The following CSE1L variants were observed in gnomAD, a reference collection of about 807,000 sequenced individuals.
The protein encoded by CSE1L is exportin-2.
CSE1L carries 24 observed loss-of-function variants against 120.4 expected under a neutral mutation model. The observed-to-expected ratio is 0.20, with a 90% CI of 0.14 to 0.28. The LOEUF (loss-of-function observed/expected upper bound fraction) is 0.28, where lower values mean the gene tolerates loss of function less well. Ranked by LOEUF, CSE1L falls within the 10% of genes least tolerant of loss-of-function variation. The probability of loss-of-function intolerance (pLI) is 1.00; values close to 1 mark genes in which losing one functional copy is unlikely to be tolerated. For synonymous variants in CSE1L, 402 were observed against 398.3 expected, an observed-to-expected ratio of 1.01 and a Z score of -0.11; for missense variants, 830 against 1,145.2, an observed-to-expected ratio of 0.72 and a Z score of 3.97.
chr20:49,048,488 G>A (rs1277009858), intron 1 of CSE1L, among the ~76,000 whole-genome samples: 1 of 152,116 alleles, frequency 6.6e-6, no homozygotes, highest in East Asian at 1.9e-4. Context: ...ATTTCAGATA[G>A]TGACAGAATT....
chr20:49,088,539 A>G (rs2092077413), intron 17 of CSE1L, among the ~76,000 whole-genome samples: 1 of 152,216 alleles, frequency 6.6e-6, no homozygotes, highest in African/African-American at 2.4e-5. Context: ...AATTTTACAG[A>G]TACTTAGATT....
intron 14 of CSE1L, among the ~76,000 whole-genome samples, chr20:49,083,479 G>A (rs911936081): frequency 6.6e-6 from 1 of 152,144 alleles, no homozygotes; most frequent in African/African-American, 2.4e-5. Flanking sequence ...TGCCCAGGCT[G>A]GTCTTGAGCT....
intron 16 of CSE1L, among the ~76,000 whole-genome samples, chr20:49,086,359 CT>C (rs10648977): frequency 0.018 from 1,428 of 77,570 alleles, 14 homozygotes; most frequent in South Asian, 0.049. Flanking sequence ...GTTTAATGTC[CT>C]TTTTTTTTTT....
In CSE1L at chr20:49,066,368, A is replaced by T. The variant is rs770826162; in HGVS notation, c.334A>T (p.Ser112Cys). 4 of 1,614,170 alleles carry T rather than the reference A, an allele frequency of 2.5e-6. No individual in the cohort carries two copies. In the South Asian group the frequency reaches 4.4e-5, roughly 18 times the overall value. ...AATTAATCTTTTCCTCTCCTAGTTA[A>T]GTGATGCAATTAGCATTATTGGCAG... ...SSPEQIQKQLSDAISIIGRED... is the reference protein window; with the variant it reads ...SSPEQIQKQLCDAISIIGRED... The change falls in exon 5 of 25, where the codon AGT (serine) becomes TGT (cysteine). Residue 112 changes from serine (S) to cysteine (C), a missense_variant. Physicochemically the swap from Ser to Cys is moderately radical, Grantham distance 112 (BLOSUM62 -1). Around this residue, in one of 4 missense-constraint regions of CSE1L, gnomAD observed 543 missense variants for 640.2 expected, o/e 0.85. Transcript: ENST00000262982.
At position 49,084,127 on chromosome 20, in the gene CSE1L, G is replaced by A; in HGVS notation, c.1584G>A (p.Arg528=). Reference sequence around the variant, plus strand: ...CTTACGCAGCTCATGCTCTTGAACGGCTCTTTACTATGCGAGGGCCTAACA... The same window carrying A: ...CTTACGCAGCTCATGCTCTTGAACGACTCTTTACTATGCGAGGGCCTAACA... ...VHTYAAHALE[R]LFTMRGPNNA... The change falls in exon 15 of 25, where the codon CGG becomes CGA. Residue 528 remains arginine (R), a synonymous_variant. Transcript: ENST00000262982. 1.2e-6 allele frequency: 2 copies of A among 1,613,998 alleles called. No individual in the cohort carries two copies.
intron 14 of CSE1L, among the ~76,000 whole-genome samples, chr20:49,079,554 G>C (rs985702474): frequency 2.0e-5 from 3 of 151,794 alleles, no homozygotes; most frequent in African/African-American, 7.3e-5. Context: ...CTTGTTGTTG[G>C]AGAAAACACT....
At chr20:49,079,446 T>G (rs2091993464) in intron 14 of CSE1L, among the ~76,000 whole-genome samples, 1 of 133,240 alleles carries the variant, frequency 7.5e-6, no homozygotes, top group Admixed American at 7.1e-5. Context: ...CAAGCTGGTC[T>G]CAAACTCCTG....
At chr20:49,048,123 C>T (rs897121183) in intron 1 of CSE1L, among the ~76,000 whole-genome samples, 1 of 151,058 alleles carries the variant, frequency 6.6e-6, no homozygotes, top group Non-Finnish European at 1.5e-5. Flanking sequence ...ATATCTTTGG[C>T]CTTTCTCTGT....
intron 14 of CSE1L, among the ~76,000 whole-genome samples, chr20:49,078,932 C>T (rs920207812): frequency 6.6e-6 from 1 of 152,190 alleles, no homozygotes; most frequent in Non-Finnish European, 1.5e-5. Flanking sequence ...CATTCTGTCA[C>T]CCAAGCTGGA....
intron 14 of CSE1L, among the ~76,000 whole-genome samples, chr20:49,080,515 G>A (rs1388145619): frequency 6.6e-6 from 1 of 151,952 alleles, no homozygotes; most frequent in African/African-American, 2.4e-5. Flanking sequence ...ACGGAGTTTC[G>A]CTCTCGTTGC....
chr20:49,071,860 T>C (rs2091934282), intron 8 of CSE1L, among the ~76,000 whole-genome samples: 1 of 148,138 alleles, frequency 6.8e-6, no homozygotes. Flanking sequence ...CCCAGCTACT[T>C]GGGAGGCTGA....
intron 3 of CSE1L, among the ~76,000 whole-genome samples, chr20:49,064,541 C>G (rs1203520759): frequency 6.6e-6 from 1 of 152,038 alleles, no homozygotes; most frequent in Non-Finnish European, 1.5e-5. Flanking sequence ...GAGATCCCAT[C>G]TTTCCAAAAA....
At chr20:49,092,475 C>G (rs1160436444) in intron 22 of CSE1L, among the ~76,000 whole-genome samples, 1 of 151,930 alleles carries the variant, frequency 6.6e-6, no homozygotes, top group African/African-American at 2.4e-5. Flanking sequence ...ACTCTACACA[C>G]TGGCATTCTC....
intron 15 of CSE1L, 63 bp from the exon 16 acceptor site, chr20:49,085,220 G>C: frequency 8.1e-7 from 1 of 1,231,188 alleles, no homozygotes; most frequent in Non-Finnish European, 1.2e-6. Flanking sequence ...TGGTTGCCAA[G>C]GGTAATCTGC....
At chr20:49,091,400 T>C (rs1238695866) in intron 21 of CSE1L, among the ~76,000 whole-genome samples, 3 of 151,382 alleles carry the variant, frequency 2.0e-5, no homozygotes, top group Non-Finnish European at 4.4e-5. Context: ...CACTCCATCC[T>C]AGGTGACAGA....
At chr20:49,061,564 G>A (rs1030241014) in intron 2 of CSE1L, among the ~76,000 whole-genome samples, 7 of 149,684 alleles carry the variant, frequency 4.7e-5, no homozygotes, top group Admixed American at 6.7e-5. Flanking sequence ...GTGCAGTGGC[G>A]CCATCTTGGC....
At chr20:49,068,907 C>A in intron 7 of CSE1L, 85 bp downstream of exon 7, 2 of 952,588 alleles carry the variant, frequency 2.1e-6, no homozygotes, top group South Asian at 2.8e-5. Context: ...GACTTCTTTG[C>A]CAGCATTGAT....
chr20:49,063,098 T>C, intron 2 of CSE1L, 104 bp from the exon 3 acceptor site: 1 of 556,020 alleles, frequency 1.8e-6, no homozygotes, highest in East Asian at 4.4e-5. Flanking sequence ...ACAAATAACC[T>C]AATCTTTTCT....
chr20:49,063,504 T>A (rs542485836), intron 3 of CSE1L, among the ~76,000 whole-genome samples, 160 bp downstream of exon 3: 28 of 152,292 alleles, frequency 1.8e-4, no homozygotes, highest in Non-Finnish European at 1.0e-4. Flanking sequence ...TGCAGTGAGC[T>A]ATGATTGCAC....
Sources: gnomAD v4.1 joint callset for allele counts (sites outside exome capture counted in the v4.1 genomes callset) on GRCh38, gnomAD v4.1.1 for gene constraint, gnomAD v4.1.1 regional missense constraint, MANE v1.5 for transcripts, NCBI Gene and HGNC (gene_info 2026-07-23, HGNC 2026-07-21) for gene names.